Variants in RB1 observed in about 807,000 individuals in gnomAD.
RB1 encodes retinoblastoma-associated protein.
A neutral mutation model predicts 135.4 loss-of-function variants in RB1; 18 were observed. The observed-to-expected ratio is 0.13, with a 90% CI of 0.09 to 0.20. The LOEUF (loss-of-function observed/expected upper bound fraction) is 0.20, where lower values mean the gene tolerates loss of function less well. RB1 is among the 10% of genes least tolerant of loss of function. The pLI is 1.00. For missense variants in RB1, 868 were observed against 1,110.0 expected (o/e 0.78, Z 3.10); for synonymous variants, 365 against 373.2 (o/e 0.98, Z 0.25).
chr13:48,479,973 T>C (rs760487619), intron 26 of RB1, 25 bp from the exon 27 acceptor site: 1 of 1,600,908 alleles, frequency 6.2e-7, no homozygotes, highest in Non-Finnish European at 8.6e-7. Flanking sequence ...TCAATGCTGT[T>C]AACAGTTCTT....
chr13:48,453,004 A>T lies in RB1; in HGVS notation c.1707A>T (p.Leu569Phe), dbSNP rs3092895. 6.2e-7 allele frequency: 1 copy of T among 1,612,770 alleles called. No individual in the cohort carries two copies. The highest frequency in any genetic ancestry group is 8.5e-7 in the Non-Finnish European group (1 of 1,179,522). Residue 569 changes from leucine (L) to phenylalanine (F), a missense_variant, in exon 18 of 27, where the codon TTA (leucine) becomes TTT (phenylalanine). Transcript: ENST00000267163. Reference sequence around the variant, plus strand: ...CATGTTTCATATAGGATTCACCTTTATTTGATCTTATTAAACAATCAAAGG... The same window carrying T: ...CATGTTTCATATAGGATTCACCTTTTTTTGATCTTATTAAACAATCAAAGG... ...ESLAWLSDSPLFDLIKQSKDR... is the reference protein window; with the variant it reads ...ESLAWLSDSPFFDLIKQSKDR...
chr13:48,412,417 T>C, intron 17 of RB1: 1 of 1,613,020 alleles, frequency 6.2e-7, no homozygotes, highest in Non-Finnish European at 8.5e-7. Context: ...CTGTTAACGC[T>C]TACCATCGTA....
chr13:48,473,501 G>T, intron 24 of RB1, 111 bp downstream of exon 24: 1 of 865,340 alleles, frequency 1.2e-6, no homozygotes, highest in Non-Finnish European at 1.9e-6. Context: ...ACCTCATCCA[G>T]GCATATTGCA....
At chr13:48,357,463 G>T (rs1329708426) in intron 6 of RB1, among the ~76,000 whole-genome samples, 1 of 151,606 alleles carries the variant, frequency 6.6e-6, no homozygotes. Context: ...TATTGAATTG[G>T]ATTTATAATA....
At chr13:48,394,460 C>T (rs573178483) in intron 17 of RB1, among the ~76,000 whole-genome samples, 162 of 152,292 alleles carry the variant, frequency 1.1e-3, no homozygotes, top group African/African-American at 3.6e-3. Context: ...TCTACCTCAG[C>T]GGATCCCACC....
chr13:48,433,377 A>G (rs998038386), intron 17 of RB1, among the ~76,000 whole-genome samples: 10 of 152,118 alleles, frequency 6.6e-5, no homozygotes, highest in African/African-American at 1.7e-4. Flanking sequence ...AGAAGCATTA[A>G]AATTCTTATT....
chr13:48,329,134 G>A (rs1952312717), intron 2 of RB1, among the ~76,000 whole-genome samples: 1 of 152,034 alleles, frequency 6.6e-6, no homozygotes, highest in African/African-American at 2.4e-5. Context: ...GAGTTTTGGA[G>A]TAAATTATTT....
intron 17 of RB1, chr13:48,412,482 G>T: frequency 8.9e-7 from 1 of 1,117,812 alleles, no homozygotes; most frequent in South Asian, 1.2e-5. Flanking sequence ...AGTCTCCTTT[G>T]GGATTCAGAT....
At chr13:48,310,113 G>C (rs899140860) in intron 2 of RB1, among the ~76,000 whole-genome samples, 1 of 152,182 alleles carries the variant, frequency 6.6e-6, no homozygotes, top group Admixed American at 6.5e-5. Flanking sequence ...TAAATCAACA[G>C]ACTTTTCCTT....
At chr13:48,393,735 G>A (rs1468498146) in intron 17 of RB1, among the ~76,000 whole-genome samples, 7 of 152,114 alleles carry the variant, frequency 4.6e-5, no homozygotes, top group Non-Finnish European at 1.5e-5. Flanking sequence ...CTTACTATAT[G>A]GAGAACATAG....
At chr13:48,332,922 T>G in intron 2 of RB1, 1 of 397,048 alleles carries the variant, frequency 2.5e-6, no homozygotes, top group Non-Finnish European at 4.4e-6. Context: ...TTAGCCACAG[T>G]AAGAGATTAG....
Position 48,303,854 on chromosome 13 carries a change from C to T in RB1, c.-59C>T. ...GACGGGGCGTGCCCCGACGTGCGCG[C>T]GCGTCGTCCTCCCCGGCGCTCCTCC... On this transcript the variant is annotated 5_prime_UTR_variant, in exon 1 of 27. Coordinates refer to ENST00000267163, the MANE Select transcript of RB1 (RefSeq NM_000321.3). 1.3e-6 allele frequency: 2 copies of T among 1,499,322 alleles called. No homozygotes were observed. The highest frequency in any genetic ancestry group is 1.8e-6 in the Non-Finnish European group (2 of 1,131,604). The allele number at this position is 1,499,322 out of a possible 1,614,324, so 92.9% of individuals were successfully genotyped here.
At chr13:48,331,252 A>G (rs768275747) in intron 2 of RB1, among the ~76,000 whole-genome samples, 1 of 152,220 alleles carries the variant, frequency 6.6e-6, no homozygotes, top group Non-Finnish European at 1.5e-5. Flanking sequence ...CTTGCATTCA[A>G]CATAGTACTG....
At chr13:48,423,977 A>C (rs888937778) in intron 17 of RB1, 3 of 152,658 alleles carry the variant, frequency 2.0e-5, no homozygotes, top group Non-Finnish European at 4.4e-5. Context: ...TTTAAAAAGA[A>C]TTATTCTAAA....
intron 2 of RB1, chr13:48,318,027 C>T: frequency 2.0e-6 from 1 of 512,780 alleles, no homozygotes; most frequent in South Asian, 1.7e-5. Flanking sequence ...GACAGGGAGC[C>T]GGGGCTGGGA....
At chr13:48,356,995 C>T (rs1156862290) in intron 6 of RB1, among the ~76,000 whole-genome samples, 2 of 151,826 alleles carry the variant, frequency 1.3e-5, no homozygotes, top group East Asian at 1.9e-4. Flanking sequence ...CGTAATTCCG[C>T]TCCTCATTTA....
chr13:48,412,323 G>A, intron 17 of RB1: 1 of 1,612,538 alleles, frequency 6.2e-7, no homozygotes, highest in South Asian at 1.1e-5. Context: ...AACACAATTG[G>A]ATATTAACCC....
At chr13:48,409,270 C>G (rs1948768418) in intron 17 of RB1, among the ~76,000 whole-genome samples, 1 of 149,994 alleles carries the variant, frequency 6.7e-6, no homozygotes, top group Admixed American at 6.7e-5. Context: ...ATGTATTTTG[C>G]TTTAGGTTTA....
chr13:48,309,550 C>T (rs944741158), intron 2 of RB1, among the ~76,000 whole-genome samples: 5 of 152,068 alleles, frequency 3.3e-5, no homozygotes, highest in African/African-American at 7.2e-5. Context: ...ACTTGGGTAC[C>T]TCATGTACAA....
Sources: gnomAD v4.1 joint callset for allele counts (sites outside exome capture counted in the v4.1 genomes callset) on GRCh38, gnomAD v4.1.1 for gene constraint, MANE v1.5 for transcripts, NCBI Gene and HGNC (gene_info 2026-07-23, HGNC 2026-07-21) for gene names.